The following RANBP2 variants were observed in gnomAD, a reference collection of about 807,000 sequenced individuals.
RANBP2 encodes E3 SUMO-protein ligase RanBP2.
In RANBP2, 57 loss-of-function variants were observed where a neutral mutation model predicts 303.6. The observed-to-expected ratio is 0.19, with a 90% CI of 0.15 to 0.23. The LOEUF is 0.23. Among genes scored for constraint, RANBP2 ranks in the 10% least tolerant of loss-of-function variants. RANBP2 has a pLI of 1.00. For missense variants in RANBP2, 3,138 were observed against 3,780.8 expected, an observed-to-expected ratio of 0.83 and a Z score of 4.46; for synonymous variants, 1,167 against 1,301.5, an observed-to-expected ratio of 0.90 and a Z score of 2.23.
At chr2:108,861,319 C>G in the RANBP2 span, among the ~76,000 whole-genome samples, 1 of 151,860 alleles carries the variant, frequency 6.6e-6, no homozygotes. Context: ...CTTTTAGTCT[C>G]AACTTCATTT....
At chr2:109,209,109 A>C in the RANBP2 span, among the ~76,000 whole-genome samples, 3 of 152,208 alleles carry the variant, frequency 2.0e-5, no homozygotes, top group African/African-American at 7.2e-5. Context: ...ATGTTGCCCA[A>C]CTTTTTCTAC....
At chr2:109,513,789 G>C in the RANBP2 span, among the ~76,000 whole-genome samples, 2 of 152,212 alleles carry the variant, frequency 1.3e-5, no homozygotes, top group African/African-American at 4.8e-5. Context: ...TGGCTACAGA[G>C]GATGTGGCCA....
chr2:109,611,319 G>A, the RANBP2 span, among the ~76,000 whole-genome samples: 3 of 152,044 alleles, frequency 2.0e-5, no homozygotes, highest in African/African-American at 4.8e-5. Flanking sequence ...TCCATAAAAG[G>A]AAATAATGAT....
At chr2:109,277,320 A>T in the RANBP2 span, among the ~76,000 whole-genome samples, 1 of 152,134 alleles carries the variant, frequency 6.6e-6, no homozygotes, top group Non-Finnish European at 1.5e-5. Flanking sequence ...TGATGGTTTG[A>T]TTGGATTTTG....
the RANBP2 span, among the ~76,000 whole-genome samples, chr2:109,521,530 T>C: frequency 6.6e-6 from 1 of 152,126 alleles, no homozygotes. Flanking sequence ...TGTGCCAGAG[T>C]AGATGATCAC....
chr2:109,349,578 C>G, the RANBP2 span, among the ~76,000 whole-genome samples: 1 of 152,202 alleles, frequency 6.6e-6, no homozygotes, highest in African/African-American at 2.4e-5. Context: ...CCTCTGAACT[C>G]TCAGGGTCCG....
At chr2:108,779,767 G>A (rs1678117526) in intron 25 of RANBP2, among the ~76,000 whole-genome samples, 1 of 152,112 alleles carries the variant, frequency 6.6e-6, no homozygotes, top group Non-Finnish European at 1.5e-5. Context: ...GACCATCATT[G>A]TTCCCCCATA....
chr2:109,667,048 A>G, the RANBP2 span: 1 of 567,298 alleles, frequency 1.8e-6, no homozygotes, highest in Admixed American at 3.5e-5. Context: ...GGAAAAGTCA[A>G]TCCAGTGAGA....
chr2:108,888,116 G>A, the RANBP2 span, among the ~76,000 whole-genome samples: 1 of 152,092 alleles, frequency 6.6e-6, no homozygotes, highest in Non-Finnish European at 1.5e-5. Context: ...CATCTGTTGA[G>A]ATGATCATAT....
At chr2:109,367,066 C>T in the RANBP2 span, among the ~76,000 whole-genome samples, 1 of 151,012 alleles carries the variant, frequency 6.6e-6, no homozygotes, top group South Asian at 2.1e-4. Context: ...GATTCTCGTG[C>T]CTCACCCTCC....
the RANBP2 span, among the ~76,000 whole-genome samples, chr2:109,430,676 C>T: frequency 3.9e-5 from 6 of 152,312 alleles, no homozygotes; most frequent in African/African-American, 9.6e-5. Flanking sequence ...GGTATTTCCT[C>T]TATGGTGATG....
At chr2:109,691,664 G>A in the RANBP2 span, among the ~76,000 whole-genome samples, 1 of 152,142 alleles carries the variant, frequency 6.6e-6, no homozygotes, top group African/African-American at 2.4e-5. Context: ...GGGATAGGGA[G>A]GGACAAGCAA....
the RANBP2 span, among the ~76,000 whole-genome samples, chr2:109,495,851 G>C: frequency 6.6e-6 from 1 of 152,142 alleles, no homozygotes; most frequent in African/African-American, 2.4e-5. Flanking sequence ...AATAATACAT[G>C]TCTGGGTATA....
At chr2:109,072,704 A>T in the RANBP2 span, among the ~76,000 whole-genome samples, 1 of 152,228 alleles carries the variant, frequency 6.6e-6, no homozygotes, top group African/African-American at 2.4e-5. Flanking sequence ...TTCCCAGCTC[A>T]GTGCAGAGCA....
intron 1 of RANBP2, among the ~76,000 whole-genome samples, chr2:108,722,946 A>G (rs1395090104): frequency 2.0e-5 from 3 of 152,350 alleles, no homozygotes; most frequent in Admixed American, 6.5e-5. Context: ...TTCTTTTTCC[A>G]GATGGCTTCT....
chr2:109,189,580 G>A, the RANBP2 span, among the ~76,000 whole-genome samples: 37 of 151,954 alleles, frequency 2.4e-4, no homozygotes, highest in Non-Finnish European at 5.1e-4. Flanking sequence ...TATTGGAAAG[G>A]CTGGTTTTGA....
chr2:109,167,707 G>A, the RANBP2 span, among the ~76,000 whole-genome samples: 2 of 152,140 alleles, frequency 1.3e-5, no homozygotes, highest in African/African-American at 2.4e-5. Flanking sequence ...GAGTAGCTGG[G>A]ACTACAGACA....
At chr2:109,139,167 A>C in the RANBP2 span, among the ~76,000 whole-genome samples, 1 of 152,248 alleles carries the variant, frequency 6.6e-6, no homozygotes, top group East Asian at 1.9e-4. Context: ...GTAACTTAAA[A>C]ATTGCATCCT....
rs760999750 is a variant in RANBP2, at chr2:108,763,992, CAAG to C, written c.3456_3458del (p.Lys1152del). ...GAACACCCACTTTAGAGACAGCAAA[CAAG>C]AATCATGAGACAGATGGAGGAAGTG... On this transcript the variant is annotated inframe_deletion, in exon 20 of 29. Coordinates refer to ENST00000283195, the MANE Select transcript of RANBP2 (RefSeq NM_006267.5). 12 of 1,613,858 alleles carry C rather than the reference CAAG, an allele frequency of 7.4e-6. No individual in the cohort carries two copies. Among genetic ancestry groups the C allele is most frequent in the South Asian group, 4.4e-5 (4 of 91,080 alleles).
Sources: allele counts gnomAD v4.1 joint callset (sites outside exome capture counted in the v4.1 genomes callset), GRCh38; gene constraint gnomAD v4.1.1; transcripts MANE v1.5; gene names NCBI Gene and HGNC (gene_info 2026-07-23, HGNC 2026-07-21).